The following SSX2IP variants were observed in gnomAD, a reference collection of about 807,000 sequenced individuals.
The protein encoded by SSX2IP is afadin- and alpha-actinin-binding protein.
In SSX2IP, 55 loss-of-function variants were observed where a neutral mutation model predicts 84.9. The ratio of observed to expected loss-of-function variants is 0.65; its 90% confidence interval spans 0.52 to 0.81. The LOEUF is 0.81. Among genes scored for constraint, SSX2IP ranks in the 30% least tolerant of loss-of-function variants. SSX2IP has a pLI of 0.00. For missense variants in SSX2IP, 664 were observed against 705.2 expected (o/e 0.94, Z 0.66); for synonymous variants, 239 against 234.7 (o/e 1.02, Z -0.17).
intron 3 of SSX2IP, chr1:84,670,440 A>T (rs571236871): frequency 3.0e-6 from 1 of 337,260 alleles, no homozygotes; most frequent in Admixed American, 4.5e-5. Context: ...AGCCCCTGGG[A>T]CAATGAGGAG....
At position 84,656,398 on chromosome 1, in the gene SSX2IP, C is replaced by T; in HGVS notation, c.1165G>A (p.Glu389Lys). The T allele has an allele frequency of 6.2e-7, 1 of 1,613,352 alleles. No homozygotes were observed. Among genetic ancestry groups the T allele is most frequent in the South Asian group, 1.1e-5 (1 of 90,962 alleles). Reference protein sequence around the residue: ...HEQETEKLELEIQQCKEMIKT... With the variant: ...HEQETEKLELKIQQCKEMIKT... ...ATCATTTCTTTACACTGCTGAATTT[C>T]TAACTCGAGTTTTTCAGTTTCTTGT... The change falls in exon 10 of 14, where the codon GAA becomes AAA. Residue 389 changes from glutamate (E) to lysine (K), a missense_variant. Glu to Lys is a moderately conservative substitution (Grantham distance 56). Coordinates refer to ENST00000342203, the MANE Select transcript of SSX2IP (RefSeq NM_001166293.2).
chr1:84,686,228 GA>G lies in SSX2IP; in HGVS notation c.-90+4142del, dbSNP rs973698935. On this transcript the variant is annotated intron_variant, in intron 1 of 13. Coordinates refer to ENST00000342203, the MANE Select transcript of SSX2IP (RefSeq NM_001166293.2). ...AAAGCATACAATACTTTTATAATCT[GA>G]AAAAAAAATCTTTGAGACAGATATT... Among the ~76,000 whole-genome samples, 13 of 151,082 alleles carry G rather than the reference GA, an allele frequency of 8.6e-5. No individual in the cohort carries two copies. In the East Asian group the frequency reaches 2.1e-3, roughly 25 times the overall value.
At chr1:84,686,397 CTG>C (rs1231595786) in intron 1 of SSX2IP, among the ~76,000 whole-genome samples, 1 of 152,156 alleles carries the variant, frequency 6.6e-6, no homozygotes, top group African/African-American at 2.4e-5. Context: ...ACATAAAAAC[CTG>C]TCTTTGGCAC....
chr1:84,648,932 T>G (rs1450193172), intron 13 of SSX2IP, among the ~76,000 whole-genome samples: 2 of 152,228 alleles, frequency 1.3e-5, no homozygotes, highest in African/African-American at 4.8e-5. Context: ...TCCACTCCAA[T>G]AGTGCCTCCT....
intron 11 of SSX2IP, chr1:84,655,475 G>A: frequency 7.7e-7 from 1 of 1,303,210 alleles, no homozygotes; most frequent in Non-Finnish European, 1.0e-6. Context: ...TTTTTAAACA[G>A]CAAATATAGT....
intron 1 of SSX2IP, among the ~76,000 whole-genome samples, chr1:84,681,236 T>C (rs905193968): frequency 4.6e-5 from 7 of 152,202 alleles, no homozygotes; most frequent in Non-Finnish European, 1.0e-4. Context: ...GCATAATATA[T>C]ATTGAGGACA....
rs1649285542 is a variant in SSX2IP at position 84,644,800 on chromosome 1, T to C, written c.*2633A>G. The stretch of plus-strand genomic sequence containing the variant: ...TTCTGGTTAGCTAAGGTAGGCAGTA[T>C]AGAACTCTTTACAAATAACAGTATT... On this transcript the variant is annotated 3_prime_UTR_variant, in exon 14 of 14. Transcript: ENST00000342203. 2.0e-5 allele frequency: 3 copies of C among 152,228 alleles called. No homozygotes were observed. The highest frequency in any genetic ancestry group is 7.2e-5 in the African/African-American group (3 of 41,470). 9.4% of individuals were successfully genotyped at this position (152,228 alleles called of 1,614,324 possible).
At position 84,647,567 on chromosome 1, in the gene SSX2IP, G is replaced by A. The variant is rs761834626; in HGVS notation, c.1711C>T (p.Pro571Ser). ...GTACATTCTCCTCCAACCTGATTTG[G>A]TTTAATTTCTTCAGCAGTTATATTC... ...VLNITAEEIK[P>S]NQVGGECTNQ... Residue 571 changes from proline to serine, a missense_variant, in exon 14 of 14, where the codon CCA becomes TCA. Pro to Ser is a moderately conservative substitution (Grantham distance 74). Coordinates refer to ENST00000342203, the MANE Select transcript of SSX2IP (RefSeq NM_001166293.2). 37 of 1,611,728 alleles carry A rather than the reference G, an allele frequency of 2.3e-5. No individual in the cohort carries two copies. Among genetic ancestry groups the A allele is most frequent in the Non-Finnish European group, 3.1e-5 (37 of 1,178,916 alleles).
At chr1:84,683,556 C>T (rs1386223688) in intron 1 of SSX2IP, among the ~76,000 whole-genome samples, 1 of 152,180 alleles carries the variant, frequency 6.6e-6, no homozygotes, top group Non-Finnish European at 1.5e-5. Context: ...AAATTTCTCT[C>T]CCACCACAAC....
Position 84,650,394 on chromosome 1 carries a change from A to G in SSX2IP, c.1638T>C (p.Phe546=). Residue 546 remains phenylalanine, a synonymous_variant, in exon 13 of 14, where the codon TTT becomes TTC. Coordinates refer to ENST00000342203, the MANE Select transcript of SSX2IP (RefSeq NM_001166293.2). ...SLPASPSTSD[F]CQTRSCISEH... is the part of the protein sequence containing the mutation. Reference sequence around the variant, plus strand: ...CAGATATGCAGGAACGTGTCTGGCAAAAGTCTGAAGTGGAAGGTGAAGCAG... The same window carrying G: ...CAGATATGCAGGAACGTGTCTGGCAGAAGTCTGAAGTGGAAGGTGAAGCAG... 6.2e-7 allele frequency: 1 copy of G among 1,614,212 alleles called. No individual in the cohort carries two copies. The highest frequency in any genetic ancestry group is 8.5e-7 in the Non-Finnish European group (1 of 1,180,028).
In SSX2IP at chr1:84,666,251, A is replaced by G; in HGVS notation, c.427-19T>C. The G allele has an allele frequency of 4.4e-6, 7 of 1,584,402 alleles. No homozygotes were observed. The South Asian group carries it at 8.0e-5, about 18-fold the overall frequency. ...GTTGTTCCTAAAACATTTATAAGCAATTTTGCTTAAAATTAATAAAGGATT... is the reference window on the plus strand; with the variant it reads ...GTTGTTCCTAAAACATTTATAAGCAGTTTTGCTTAAAATTAATAAAGGATT... On this transcript the variant is annotated intron_variant, in intron 4 of 13. Transcript: ENST00000342203.
At chr1:84,680,245 C>T (rs2102551497) in intron 1 of SSX2IP, 1 of 152,264 alleles carries the variant, frequency 6.6e-6, no homozygotes, top group South Asian at 2.1e-4. Flanking sequence ...TATCTTTGAA[C>T]TGATCATTGC....
At chr1:84,689,922 G>C (rs1336853647) in intron 1 of SSX2IP, among the ~76,000 whole-genome samples, 1 of 152,142 alleles carries the variant, frequency 6.6e-6, no homozygotes, top group Non-Finnish European at 1.5e-5. Flanking sequence ...ACTGCCTCTT[G>C]CGGCTGCACT....
intron 1 of SSX2IP, among the ~76,000 whole-genome samples, chr1:84,682,023 C>T (rs1570728789): frequency 6.6e-6 from 1 of 152,204 alleles, no homozygotes; most frequent in South Asian, 2.1e-4. Context: ...TTTATTAACA[C>T]CCTCTTCAAA....
At position 84,658,321 on chromosome 1, in the gene SSX2IP, G is replaced by A; in HGVS notation, c.1075C>T (p.Gln359Ter). 6.2e-7 allele frequency: 1 copy of A among 1,613,948 alleles called. No homozygotes were observed. ...CATGCATAGAAGCAGTGGTTACCTT[G>A]GTTATCAAGCTTTTCTACATGACTT... is the stretch of plus-strand genomic sequence containing the variant. ...LKSHVEKLDN[Q>*]VSKVHLEGFN... Residue 359 changes from glutamine (Q) to a stop codon, truncating the protein, a stop_gained, in exon 9 of 14, where the codon CAA (glutamine) becomes TAA (stop). Coordinates refer to ENST00000342203, the MANE Select transcript of SSX2IP (RefSeq NM_001166293.2). LOFTEE classifies it high-confidence loss of function.
intron 1 of SSX2IP, among the ~76,000 whole-genome samples, chr1:84,688,039 C>A (rs1053964803): frequency 1.3e-5 from 2 of 151,958 alleles, no homozygotes; most frequent in African/African-American, 4.9e-5. Context: ...TTCCTCAAGG[C>A]AACACTCATC....
chr1:84,662,668 C>T (rs1243542930), intron 6 of SSX2IP, 138 bp from the exon 7 acceptor site: 5 of 780,062 alleles, frequency 6.4e-6, no homozygotes, highest in South Asian at 2.0e-5. Flanking sequence ...GCCTAATTTT[C>T]GAGTTTCTAG....
intron 12 of SSX2IP, among the ~76,000 whole-genome samples, 169 bp from the exon 13 acceptor site, chr1:84,650,696 A>G (rs1238107752): frequency 8.8e-6 from 1 of 114,112 alleles, no homozygotes; most frequent in African/African-American, 3.2e-5. Flanking sequence ...TAGTCCACCC[A>G]TGTTTAAAAG....
chr1:84,661,923 G>A (rs1045759618), intron 8 of SSX2IP, among the ~76,000 whole-genome samples: 2 of 152,014 alleles, frequency 1.3e-5, no homozygotes, highest in African/African-American at 2.4e-5. Flanking sequence ...TATGTTATGA[G>A]GAATATTATA....
Sources: allele counts gnomAD v4.1 joint callset (sites outside exome capture counted in the v4.1 genomes callset), GRCh38; gene constraint gnomAD v4.1.1; transcripts MANE v1.5; gene names NCBI Gene and HGNC (gene_info 2026-07-23, HGNC 2026-07-21).